Variants in ATG4C observed in about 807,000 individuals in gnomAD.
The protein encoded by ATG4C is cysteine protease ATG4C.
Under a neutral mutation model 57.6 loss-of-function variants are expected in ATG4C, and 56 were observed. That is an observed-to-expected ratio of 0.97 (90% CI 0.78 to 1.21). The LOEUF (loss-of-function observed/expected upper bound fraction) is 1.21, where lower values mean the gene tolerates loss of function less well. ATG4C is among the 50% of genes most tolerant of loss of function. The pLI, the probability that ATG4C is intolerant of heterozygous loss-of-function variation, is 0.00. For synonymous variants in ATG4C, 157 were observed against 174.1 expected, an observed-to-expected ratio of 0.90 and a Z score of 0.78; for missense variants, 595 against 529.8, an observed-to-expected ratio of 1.12 and a Z score of -1.21.
chr1:62,824,347 A>G (rs1665577121), intron 6 of ATG4C, among the ~76,000 whole-genome samples: 2 of 152,254 alleles, frequency 1.3e-5, no homozygotes, highest in South Asian at 2.1e-4. Flanking sequence ...TTTGGTTTCA[A>G]TTGACTATGG....
At chr1:62,857,130 G>C (rs1308040288) in intron 10 of ATG4C, among the ~76,000 whole-genome samples, 4 of 152,072 alleles carry the variant, frequency 2.6e-5, no homozygotes, top group Non-Finnish European at 5.9e-5. Context: ...CCAGCCCCTG[G>C]ACCATGGACT....
intron 10 of ATG4C, among the ~76,000 whole-genome samples, chr1:62,856,741 G>A (rs1666695611): frequency 6.6e-6 from 1 of 152,158 alleles, no homozygotes; most frequent in Non-Finnish European, 1.5e-5. Flanking sequence ...ACTTGGACTG[G>A]AACTTTACTG....
chr1:62,842,949 A>G (rs925341108), intron 10 of ATG4C, among the ~76,000 whole-genome samples: 4 of 152,222 alleles, frequency 2.6e-5, no homozygotes, highest in Non-Finnish European at 5.9e-5. Flanking sequence ...TTGTCTCTAC[A>G]AAGTATCATG....
At chr1:62,815,188 T>G (rs1665227006) in intron 3 of ATG4C, among the ~76,000 whole-genome samples, 1 of 152,196 alleles carries the variant, frequency 6.6e-6, no homozygotes, top group Admixed American at 6.6e-5. Flanking sequence ...AATCTTTTTT[T>G]TTTGTTTTCT....
intron 3 of ATG4C, among the ~76,000 whole-genome samples, chr1:62,810,551 C>T (rs1665048749): frequency 6.6e-6 from 1 of 152,136 alleles, no homozygotes; most frequent in South Asian, 2.1e-4. Flanking sequence ...ATTGTCGTGA[C>T]ATTGGCCAGT....
chr1:62,825,287 C>T (rs1180795701), intron 6 of ATG4C, among the ~76,000 whole-genome samples: 2 of 151,124 alleles, frequency 1.3e-5, no homozygotes, highest in African/African-American at 2.4e-5. Context: ...CAAAACTGCT[C>T]TTACCAATAA....
chr1:62,861,951 GAACACT>G (rs1487075643), intron 10 of ATG4C, among the ~76,000 whole-genome samples: 1 of 152,008 alleles, frequency 6.6e-6, no homozygotes, highest in Non-Finnish European at 1.5e-5. Flanking sequence ...ATATAAAAAA[GAACACT>G]AACCTTTTCA....
At chr1:62,847,837 A>C (rs1271538242) in intron 10 of ATG4C, among the ~76,000 whole-genome samples, 1 of 152,134 alleles carries the variant, frequency 6.6e-6, no homozygotes. Flanking sequence ...GAGAGTTGAG[A>C]GTGGAAAACT....
chr1:62,834,637 A>G, intron 8 of ATG4C, 139 bp from the exon 9 acceptor site: 5 of 645,190 alleles, frequency 7.7e-6, no homozygotes, highest in South Asian at 4.0e-5. Flanking sequence ...GTGCAAACCT[A>G]TGTTTCAGTC....
At chr1:62,808,329 C>G (rs1664947060) in intron 3 of ATG4C, among the ~76,000 whole-genome samples, 1 of 152,056 alleles carries the variant, frequency 6.6e-6, no homozygotes, top group African/African-American at 2.4e-5. Context: ...TGTTGGTAAC[C>G]AAAAGTGGTA....
intron 7 of ATG4C, among the ~76,000 whole-genome samples, chr1:62,830,402 A>G (rs898140569): frequency 6.6e-6 from 1 of 152,086 alleles, no homozygotes; most frequent in African/African-American, 2.4e-5. Context: ...TGCCTTCTCT[A>G]CTACCATGAG....
intron 10 of ATG4C, among the ~76,000 whole-genome samples, chr1:62,843,926 A>T (rs1364966879): frequency 4.6e-5 from 7 of 152,232 alleles, no homozygotes; most frequent in African/African-American, 1.7e-4. Context: ...GGTTGAAATG[A>T]GAGAGATGTC....
chr1:62,793,421 G>C (rs1664351147), intron 1 of ATG4C, among the ~76,000 whole-genome samples: 1 of 150,518 alleles, frequency 6.6e-6, no homozygotes, highest in East Asian at 2.0e-4. Flanking sequence ...AGATCAGCCT[G>C]GGCCATATGG....
intron 7 of ATG4C, among the ~76,000 whole-genome samples, chr1:62,833,709 A>G (rs575863842): frequency 1.1e-4 from 16 of 152,210 alleles, no homozygotes; most frequent in Admixed American, 2.6e-4. Flanking sequence ...TGCACCAGCT[A>G]ACTGGAAGGC....
chr1:62,794,965 A>G (rs963469875), intron 1 of ATG4C, among the ~76,000 whole-genome samples: 3 of 152,236 alleles, frequency 2.0e-5, no homozygotes, highest in Non-Finnish European at 4.4e-5. Flanking sequence ...CATAGATAAA[A>G]AACTTAGAGT....
intron 10 of ATG4C, among the ~76,000 whole-genome samples, chr1:62,849,137 C>G (rs1666416929): frequency 6.6e-6 from 1 of 152,110 alleles, no homozygotes; most frequent in African/African-American, 2.4e-5. Flanking sequence ...ACTTTGACCC[C>G]TTGGTTAAAG....
intron 7 of ATG4C, among the ~76,000 whole-genome samples, chr1:62,833,783 T>G (rs976002530): frequency 6.6e-6 from 1 of 152,118 alleles, no homozygotes; most frequent in Admixed American, 6.6e-5. Flanking sequence ...TATCTCTCTA[T>G]GTAGTAGTTG....
chr1:62,837,780 GT>G (rs1286647270), intron 9 of ATG4C, among the ~76,000 whole-genome samples: 1 of 152,110 alleles, frequency 6.6e-6, no homozygotes, highest in East Asian at 1.9e-4. Flanking sequence ...TTAGTAGTAG[GT>G]TTTTTTTATG....
intron 1 of ATG4C, among the ~76,000 whole-genome samples, chr1:62,796,179 C>T (rs1349369281): frequency 1.4e-5 from 2 of 141,644 alleles, no homozygotes; most frequent in Non-Finnish European, 3.1e-5. Context: ...TTAACAAAAG[C>T]AGGCAAGCGG....
Sources: allele counts gnomAD v4.1 joint callset (sites outside exome capture counted in the v4.1 genomes callset), GRCh38; gene constraint gnomAD v4.1.1; transcripts MANE v1.5; gene names NCBI Gene and HGNC (gene_info 2026-07-23, HGNC 2026-07-21).